Variants in ETV6 observed in about 807,000 individuals in gnomAD.
ETV6 encodes transcription factor ETV6.
ETV6 carries 16 observed loss-of-function variants against 51.1 expected under a neutral mutation model. The ratio of observed to expected loss-of-function variants is 0.31; its 90% CI spans 0.21 to 0.48. The LOEUF (loss-of-function observed/expected upper bound fraction) is 0.48, where lower values mean the gene tolerates loss of function less well. ETV6 is among the 20% of genes least tolerant of loss of function. The pLI is 0.99. For synonymous variants in ETV6, 240 were observed against 224.1 expected, an observed-to-expected ratio of 1.07 and a Z score of -0.64; for missense variants, 458 against 594.8, an observed-to-expected ratio of 0.77 and a Z score of 2.39.
chr12:11,710,321 C>T (rs552146956), intron 1 of ETV6, among the ~76,000 whole-genome samples: 10 of 152,132 alleles, frequency 6.6e-5, no homozygotes, highest in African/African-American at 2.4e-4. Flanking sequence ...CCTGGTTCTG[C>T]CTGTTACAAG....
chr12:11,679,277 T>C (rs1194482565), intron 1 of ETV6, among the ~76,000 whole-genome samples: 10 of 152,028 alleles, frequency 6.6e-5, no homozygotes, highest in Admixed American at 1.3e-4. Flanking sequence ...GAAATCAAAG[T>C]AAGGCCCTGA....
intron 5 of ETV6, among the ~76,000 whole-genome samples, chr12:11,883,276 C>CTTCTTCTTCT (rs776231778): frequency 7.6e-5 from 6 of 79,108 alleles, no homozygotes; most frequent in Non-Finnish European, 1.3e-4. Flanking sequence ...ATGTCTTCTT[C>CTTCTTCTTCT]TTTTTTTTTT....
At chr12:11,718,991 G>T (rs1285012143) in intron 1 of ETV6, among the ~76,000 whole-genome samples, 1 of 152,240 alleles carries the variant, frequency 6.6e-6, no homozygotes, top group East Asian at 1.9e-4. Context: ...AGGCTGTGCA[G>T]AATGTATGTG....
At position 11,692,820 on chromosome 12, in the gene ETV6, C is replaced by T. The variant is rs528972211; in HGVS notation, c.33+42660C>T. 1.4e-4 allele frequency among the ~76,000 whole-genome samples: 22 copies of T among 152,168 alleles called. No homozygotes were observed. The South Asian group carries it at 3.9e-3, about 27-fold the overall frequency. On this transcript the variant is annotated intron_variant, in intron 1 of 7. Coordinates refer to ENST00000396373, the MANE Select transcript of ETV6 (RefSeq NM_001987.5). ...TAATCGCAGCACTGGGAGGCTGAGGCGGATGGATTGCCTGAGCCCAGGAGT... is the reference window on the plus strand; with the variant it reads ...TAATCGCAGCACTGGGAGGCTGAGGTGGATGGATTGCCTGAGCCCAGGAGT...
At chr12:11,771,100 G>C (rs531892513) in intron 2 of ETV6, among the ~76,000 whole-genome samples, 2 of 152,292 alleles carry the variant, frequency 1.3e-5, no homozygotes, top group Non-Finnish European at 2.9e-5. Flanking sequence ...AACATAGCAG[G>C]ACTTTGTAGG....
At chr12:11,839,395 C>A in intron 3 of ETV6, 91 bp downstream of exon 3, 1 of 1,286,672 alleles carries the variant, frequency 7.8e-7, no homozygotes, top group Non-Finnish European at 1.1e-6. Context: ...CCCAAGAAAT[C>A]CCAACAGTGA....
At chr12:11,701,805 A>G (rs1243196673) in intron 1 of ETV6, among the ~76,000 whole-genome samples, 1 of 152,160 alleles carries the variant, frequency 6.6e-6, no homozygotes, top group Non-Finnish European at 1.5e-5. Flanking sequence ...TCTGCTCAGG[A>G]CCGTGAGGGA....
intron 1 of ETV6, among the ~76,000 whole-genome samples, chr12:11,679,202 G>T (rs1864479243): frequency 6.6e-6 from 1 of 151,988 alleles, no homozygotes; most frequent in African/African-American, 2.4e-5. Flanking sequence ...AGCACTTTAG[G>T]GGAAAAGATC....
chr12:11,857,802 C>T (rs2255953), intron 4 of ETV6, among the ~76,000 whole-genome samples: 106,901 of 152,076 alleles, frequency 0.7, 38,791 homozygotes, highest in South Asian at 0.87. Flanking sequence ...GTTTCTCATT[C>T]CTCTGGCTCT....
At chr12:11,680,119 A>G (rs999177356) in intron 1 of ETV6, among the ~76,000 whole-genome samples, 1 of 152,212 alleles carries the variant, frequency 6.6e-6, no homozygotes, top group East Asian at 1.9e-4. Flanking sequence ...GGATGCAGGT[A>G]GGGGTTGCAA....
intron 2 of ETV6, 139 bp from the exon 3 acceptor site, chr12:11,839,001 G>A (rs1429928457): frequency 4.6e-6 from 4 of 875,098 alleles, no homozygotes; most frequent in Non-Finnish European, 6.6e-6. Context: ...CTGGAGAGGG[G>A]ACTCAGAGTT....
intron 1 of ETV6, among the ~76,000 whole-genome samples, chr12:11,725,387 T>G (rs1036802342): frequency 2.0e-5 from 3 of 152,198 alleles, no homozygotes; most frequent in African/African-American, 7.2e-5. Context: ...TTGACCTATT[T>G]TGTAACAGAC....
chr12:11,783,260 AAGGAAGGAGAATTTC>A (rs1487578002), intron 2 of ETV6, among the ~76,000 whole-genome samples: 2 of 152,118 alleles, frequency 1.3e-5, no homozygotes, highest in Non-Finnish European at 2.9e-5. Flanking sequence ...CACAGAGATC[AAGGAAGGAGAATTTC>A]AGGAAGGAAA....
chr12:11,823,249 T>C (rs1946107282), intron 2 of ETV6, among the ~76,000 whole-genome samples: 1 of 152,132 alleles, frequency 6.6e-6, no homozygotes, highest in Non-Finnish European at 1.5e-5. Flanking sequence ...ATGCAATTCA[T>C]CACTGAACTT....
At chr12:11,723,460 A>G (rs2416883) in intron 1 of ETV6, among the ~76,000 whole-genome samples, 58,959 of 151,796 alleles carry the variant, frequency 0.39, 11,596 homozygotes, top group African/African-American at 0.43. Flanking sequence ...TTGCTCTTCA[A>G]AAGCCATATT....
At chr12:11,867,631 AC>A (rs1398559071) in intron 4 of ETV6, among the ~76,000 whole-genome samples, 1 of 152,186 alleles carries the variant, frequency 6.6e-6, no homozygotes, top group East Asian at 1.9e-4. Context: ...ACTTAAAACC[AC>A]TATGTCTGTC....
intron 2 of ETV6, among the ~76,000 whole-genome samples, chr12:11,828,447 T>C (rs1157422272): frequency 1.3e-5 from 2 of 152,108 alleles, no homozygotes; most frequent in Non-Finnish European, 2.9e-5. Flanking sequence ...GTGTCTCTCT[T>C]TTCTGTTTTT....
chr12:11,650,011 C>G lies in ETV6; in HGVS notation c.-117C>G. ...CCCGGGGCGGCTGCCGGGAGAGATG[C>G]TGGAAGAAACTTCTTAAATGACCGC... is the stretch of plus-strand genomic sequence containing the variant. On this transcript the variant is annotated 5_prime_UTR_variant, in exon 1 of 8. Coordinates refer to ENST00000396373, the MANE Select transcript of ETV6 (RefSeq NM_001987.5). 1.0e-6 allele frequency: 1 copy of G among 977,834 alleles called. No individual in the cohort carries two copies. The highest frequency in any genetic ancestry group is 1.6e-6 in the Non-Finnish European group (1 of 614,626). The allele number at this position is 977,834 out of a possible 1,614,324, so 60.6% of individuals were successfully genotyped here.
chr12:11,843,718 A>C (rs1176557369), intron 3 of ETV6, among the ~76,000 whole-genome samples: 1 of 152,230 alleles, frequency 6.6e-6, no homozygotes, highest in Non-Finnish European at 1.5e-5. Context: ...TGAATGCCAT[A>C]TTCTTTGACC....
Sources: gnomAD v4.1 joint callset for allele counts (sites outside exome capture counted in the v4.1 genomes callset) on GRCh38, gnomAD v4.1.1 for gene constraint, MANE v1.5 for transcripts, NCBI Gene and HGNC (gene_info 2026-07-23, HGNC 2026-07-21) for gene names.